The following ALPK1 variants were observed in gnomAD, a reference collection of about 807,000 sequenced individuals.
ALPK1 encodes the protein alpha kinase 1, also known as alpha-protein kinase 1.
In ALPK1, 110 loss-of-function variants were observed where a neutral mutation model predicts 120.6. That is an observed-to-expected ratio of 0.91 (90% CI 0.78 to 1.07). ALPK1 has a LOEUF of 1.07. Ranked by LOEUF, ALPK1 falls within the 50% of genes least tolerant of loss-of-function variation. The probability of loss-of-function intolerance (pLI) is 0.00; values close to 1 mark genes in which losing one functional copy is unlikely to be tolerated. For synonymous variants in ALPK1, 582 were observed against 560.3 expected, an observed-to-expected ratio of 1.04 and a Z score of -0.55; for missense variants, 1,498 against 1,483.9, an observed-to-expected ratio of 1.01 and a Z score of -0.16.
intron 2 of ALPK1, among the ~76,000 whole-genome samples, chr4:112,374,120 T>C (rs999847992): frequency 4.6e-5 from 7 of 152,246 alleles, no homozygotes; most frequent in African/African-American, 1.2e-4. Flanking sequence ...CATTCACCCA[T>C]GGTAGAACTT....
chr4:112,393,880 A>AT (rs1455355153), intron 4 of ALPK1, among the ~76,000 whole-genome samples: 1 of 152,080 alleles, frequency 6.6e-6, no homozygotes, highest in Non-Finnish European at 1.5e-5. Context: ...CTTCTGTTAT[A>AT]TTTTTTAGAT....
At chr4:112,409,397 T>C (rs1412724087) in intron 4 of ALPK1, among the ~76,000 whole-genome samples, 1 of 152,088 alleles carries the variant, frequency 6.6e-6, no homozygotes, top group Non-Finnish European at 1.5e-5. Flanking sequence ...TCTCCTGGAT[T>C]CTGAGCAAAT....
rs1037667369 is a variant in ALPK1 at position 112,442,442 on chromosome 4, C to G, written c.*1232C>G. 1 of 152,164 alleles carries G rather than the reference C, an allele frequency of 6.6e-6. No individual in the cohort carries two copies. The highest frequency in any genetic ancestry group is 6.5e-5 in the Admixed American group (1 of 15,282). 9.4% of individuals were successfully genotyped at this position (152,164 alleles called of 1,614,324 possible). ...AGAGTAGGTGGACACATAGAGGGAA[C>G]AACACACACCAGGGCTTATCAGAGG... On this transcript the variant is annotated 3_prime_UTR_variant, in exon 16 of 16. Coordinates refer to ENST00000650871, the MANE Select transcript of ALPK1 (RefSeq NM_025144.4).
intron 14 of ALPK1, among the ~76,000 whole-genome samples, chr4:112,440,435 A>G (rs1438450979): frequency 1.3e-5 from 2 of 152,186 alleles, no homozygotes; most frequent in Non-Finnish European, 1.5e-5. Flanking sequence ...CATGTAAATT[A>G]TAAGTAAGAT....
Position 112,435,205 on chromosome 4 carries a change from T to C in ALPK1, c.3092T>C (p.Ile1031Thr), listed in dbSNP as rs770343009. 2 of 1,613,528 alleles carry C rather than the reference T, an allele frequency of 1.2e-6. No homozygotes were observed. The highest frequency in any genetic ancestry group is 1.3e-5 in the African/African-American group (1 of 74,862). ...GAACTGTGGACGGCCCAGGAAACTA[T>C]TGTCTATTTGGGGGACTACTTGACT... Reference protein sequence around the residue: ...KSELWTAQETIVYLGDYLTVK... With the variant: ...KSELWTAQETTVYLGDYLTVK... Residue 1031 changes from isoleucine to threonine, a missense_variant, in exon 12 of 16, where the codon ATT becomes ACT. Ile to Thr is a moderately conservative substitution (Grantham distance 89). Transcript: ENST00000650871.
chr4:112,441,069 C>T lies in ALPK1; in HGVS notation c.3691C>T (p.Arg1231Cys), dbSNP rs765867621. The change falls in exon 15 of 16, where the codon CGT becomes TGT. Residue 1231 changes from arginine to cysteine, a missense_variant. Arg to Cys is a radical substitution (Grantham distance 180, BLOSUM62 -3). Transcript: ENST00000650871. ...TGTGGAATGTAATGAAATCTGCCAT[C>T]GTCTTTCTTTGACTAGACCTTCAAT... The part of the protein sequence containing the change: ...QHVECNEICH[R>C]LSLTRPSMEK... 10 of 1,613,810 alleles carry T rather than the reference C, an allele frequency of 6.2e-6. No individual in the cohort carries two copies. Among genetic ancestry groups the T allele is most frequent in the African/African-American group, 4.0e-5 (3 of 74,988 alleles).
rs998364826 is a variant in ALPK1 at position 112,349,843 on chromosome 4, C to T, written c.-100-27835C>T. Among the ~76,000 whole-genome samples the T allele has an allele frequency of 7.2e-5, 11 of 152,192 alleles. No homozygotes were observed. The East Asian group carries it at 1.3e-3, about 19-fold the overall frequency. On this transcript the variant is annotated intron_variant, in intron 2 of 15. Coordinates refer to ENST00000650871, the MANE Select transcript of ALPK1 (RefSeq NM_025144.4). ...CTGGGATTACAGGCACGAGCCACCA[C>T]GCCCGGCCTACATTTTAATTTTTTA...
intron 7 of ALPK1, chr4:112,426,244 T>C: frequency 3.2e-6 from 1 of 312,072 alleles, no homozygotes; most frequent in Non-Finnish European, 5.8e-6. Flanking sequence ...ACATATTATA[T>C]ATACAAATAT....
chr4:112,340,425 A>AC (rs1392049449), intron 2 of ALPK1, among the ~76,000 whole-genome samples: 3 of 152,264 alleles, frequency 2.0e-5, no homozygotes, highest in Non-Finnish European at 4.4e-5. Flanking sequence ...TCTAAAAAAA[A>AC]GTGAAGTTAA....
At chr4:112,394,729 G>A (rs978124259) in intron 4 of ALPK1, among the ~76,000 whole-genome samples, 1 of 152,174 alleles carries the variant, frequency 6.6e-6, no homozygotes, top group African/African-American at 2.4e-5. Context: ...CCTTTGATGA[G>A]GCTAAATCTA....
At chr4:112,348,989 A>G (rs1375580000) in intron 2 of ALPK1, among the ~76,000 whole-genome samples, 1 of 152,092 alleles carries the variant, frequency 6.6e-6, no homozygotes, top group East Asian at 1.9e-4. Context: ...GACACCTCAG[A>G]CAGAGGCAGG....
At chr4:112,322,847 A>G (rs1056363009) in intron 2 of ALPK1, among the ~76,000 whole-genome samples, 1 of 152,206 alleles carries the variant, frequency 6.6e-6, no homozygotes, top group Non-Finnish European at 1.5e-5. Context: ...ATAAGGTAAA[A>G]TTAACAGATT....
chr4:112,335,166 G>T (rs1345933485), intron 2 of ALPK1, among the ~76,000 whole-genome samples: 2 of 151,410 alleles, frequency 1.3e-5, no homozygotes, highest in Non-Finnish European at 2.9e-5. Context: ...TGAGGCAGGA[G>T]AATCGCTTGA....
intron 2 of ALPK1, chr4:112,358,554 A>C: frequency 1.4e-6 from 1 of 700,604 alleles, no homozygotes; most frequent in Admixed American, 2.1e-5. Context: ...GAGTATGAGC[A>C]GGAGCCAGAC....
intron 5 of ALPK1, among the ~76,000 whole-genome samples, chr4:112,417,276 T>A (rs2148753127): frequency 6.6e-6 from 1 of 151,878 alleles, no homozygotes; most frequent in South Asian, 2.1e-4. Flanking sequence ...AAGTGGAGAG[T>A]AAAAAAAGAT....
intron 12 of ALPK1, 112 bp downstream of exon 12, chr4:112,435,413 T>C: frequency 5.4e-6 from 5 of 930,252 alleles, no homozygotes; most frequent in East Asian, 2.5e-5. Context: ...CCAAAATATA[T>C]TTCCAGATTT....
intron 1 of ALPK1, among the ~76,000 whole-genome samples, chr4:112,314,871 A>G (rs1236728199): frequency 1.5e-5 from 2 of 136,960 alleles, no homozygotes; most frequent in Non-Finnish European, 3.1e-5. Context: ...AGAGTAATCC[A>G]TTGCCTTTTT....
chr4:112,354,679 G>C (rs947209525), intron 2 of ALPK1, among the ~76,000 whole-genome samples: 2 of 152,080 alleles, frequency 1.3e-5, no homozygotes, highest in Non-Finnish European at 2.9e-5. Context: ...TGTTGTCCAG[G>C]CTGGTCTCGA....
Position 112,351,867 on chromosome 4 carries a change from A to G in ALPK1, c.-100-25811A>G, listed in dbSNP as rs148003671. On this transcript the variant is annotated intron_variant, in intron 2 of 15. Coordinates refer to ENST00000650871, the MANE Select transcript of ALPK1 (RefSeq NM_025144.4). ...CAAACTAATAGTTCAAACTGCTTAT[A>G]TATAATCAATTATCTCAATAGACTA... Among the ~76,000 whole-genome samples the G allele has an allele frequency of 5.4e-4, 82 of 152,334 alleles. 1 individual carries two copies. The highest frequency in any genetic ancestry group is 1.9e-3 in the African/African-American group (79 of 41,564).
Sources: allele counts gnomAD v4.1 joint callset (sites outside exome capture counted in the v4.1 genomes callset), GRCh38; gene constraint gnomAD v4.1.1; transcripts MANE v1.5; gene names NCBI Gene and HGNC (gene_info 2026-07-23, HGNC 2026-07-21).